The following GALNT11 variants were observed in gnomAD, a reference collection of about 807,000 sequenced individuals.
The protein encoded by GALNT11 is UDP-GalNAc:polypeptide N-acetylgalactosaminyltransferase 11.
In GALNT11, 47 loss-of-function variants were observed where a neutral mutation model predicts 72.7. The ratio of observed to expected loss-of-function variants is 0.65; its 90% confidence interval spans 0.51 to 0.82. The LOEUF (loss-of-function observed/expected upper bound fraction) is 0.82, where lower values mean the gene tolerates loss of function less well. Ranked by LOEUF, GALNT11 falls within the 40% of genes least tolerant of loss-of-function variation. The pLI, the probability that GALNT11 is intolerant of heterozygous loss-of-function variation, is 0.00. For missense variants in GALNT11, 677 were observed against 778.4 expected (o/e 0.87, Z 1.55); for synonymous variants, 270 against 286.6 (o/e 0.94, Z 0.58).
In GALNT11 at chr7:152,094,579, GATTA is replaced by G; in HGVS notation, c.295+62_295+65del. The G allele has an allele frequency of 6.7e-7, 1 of 1,496,422 alleles. No homozygotes were observed. Among genetic ancestry groups the G allele is most frequent in the Non-Finnish European group, 8.9e-7 (1 of 1,118,156 alleles). 92.7% of individuals were successfully genotyped at this position (1,496,422 alleles called of 1,614,324 possible). Reference sequence around the variant, plus strand: ...CAATGTATTTAATCACTGGAAGTTTGATTAATTAGTTAATTAGGAGATCAGAAAT... The same window carrying G: ...CAATGTATTTAATCACTGGAAGTTTGATTAGTTAATTAGGAGATCAGAAAT... On this transcript the variant is annotated intron_variant, in intron 2 of 11. Coordinates refer to ENST00000430044, the MANE Select transcript of GALNT11 (RefSeq NM_022087.4). The surrounding 1 kb of genome is among the most constrained non-coding windows in gnomAD (Gnocchi z 4.3).
In GALNT11 at chr7:152,108,129, C is replaced by A. The variant is rs200329753; in HGVS notation, c.804C>A (p.Thr268=). ...LLAAIREDRH[T]VVCPVIDIIS... is the part of the protein sequence containing the mutation. ...CCGCCATCCGTGAGGACCGGCACAC[C>A]GTGGTGTGCCCAGTGATTGACATCA... The change falls in exon 6 of 12, where the codon ACC becomes ACA. Residue 268 remains threonine, a synonymous_variant. Transcript: ENST00000430044. The A allele has an allele frequency of 6.2e-7, 1 of 1,614,128 alleles. No homozygotes were observed. The highest frequency in any genetic ancestry group is 2.2e-5 in the East Asian group (1 of 44,866).
At position 152,066,169 on chromosome 7, in the gene GALNT11, T is replaced by A. The variant is rs188133161; in HGVS notation, c.-38-28021T>A. Among the ~76,000 whole-genome samples, 832 of 152,330 alleles carry A rather than the reference T, an allele frequency of 5.5e-3. 8 individuals are homozygous for A. Among genetic ancestry groups the A allele is most frequent in the African/African-American group, 0.019 (800 of 41,574 alleles). On this transcript the variant is annotated intron_variant, in intron 1 of 11. Coordinates refer to ENST00000430044, the MANE Select transcript of GALNT11 (RefSeq NM_022087.4). ...CCCCTCCCCCAGCCTCGCTGCTGCCTTGCAGTTCGATCTCAGACTGCTGTG... is the reference window on the plus strand; with the variant it reads ...CCCCTCCCCCAGCCTCGCTGCTGCCATGCAGTTCGATCTCAGACTGCTGTG...
At chr7:152,107,937 CG>C (rs2087765276) in intron 5 of GALNT11, 100 bp from the exon 6 acceptor site, 1 of 1,385,616 alleles carries the variant, frequency 7.2e-7, no homozygotes, top group African/African-American at 1.4e-5. Flanking sequence ...GGGTGGCAGT[CG>C]TGTTTCATGC....
intron 1 of GALNT11, among the ~76,000 whole-genome samples, chr7:152,084,130 T>C (rs899264523): frequency 2.0e-5 from 3 of 152,136 alleles, no homozygotes; most frequent in African/African-American, 7.2e-5. Flanking sequence ...TTTGTTTTTG[T>C]TGTTGTTTTT....
chr7:152,040,377 G>A (rs1211578808), intron 1 of GALNT11, among the ~76,000 whole-genome samples: 2 of 152,190 alleles, frequency 1.3e-5, no homozygotes, highest in African/African-American at 4.8e-5. Flanking sequence ...AAAAGATGAG[G>A]AACGCACCAC....
intron 1 of GALNT11, among the ~76,000 whole-genome samples, chr7:152,026,494 C>T (rs1449359765): frequency 1.3e-5 from 2 of 152,234 alleles, no homozygotes; most frequent in East Asian, 1.9e-4. Flanking sequence ...GAATTGCACC[C>T]TGGCAGTGTA....
chr7:152,099,222 A>G (rs1402288352), intron 2 of GALNT11, among the ~76,000 whole-genome samples: 1 of 151,916 alleles, frequency 6.6e-6, no homozygotes, highest in Non-Finnish European at 1.5e-5. Context: ...GATTACAGGC[A>G]TGAGCCACCA....
chr7:152,040,159 C>G (rs2082785325), intron 1 of GALNT11, among the ~76,000 whole-genome samples: 1 of 151,586 alleles, frequency 6.6e-6, no homozygotes, highest in African/African-American at 2.4e-5. Context: ...TCAATAGAAG[C>G]TGGAATGCCC....
At chr7:152,050,552 G>T (rs1277459482) in intron 1 of GALNT11, among the ~76,000 whole-genome samples, 1 of 152,190 alleles carries the variant, frequency 6.6e-6, no homozygotes, top group Admixed American at 6.5e-5. Flanking sequence ...GAAGGAAAGA[G>T]TCTCCCCTGG....
intron 1 of GALNT11, among the ~76,000 whole-genome samples, chr7:152,072,335 AAAAAG>A (rs2084703882): frequency 6.6e-6 from 1 of 152,012 alleles, no homozygotes; most frequent in Admixed American, 6.6e-5. Flanking sequence ...AAAAAAAAGA[AAAAAG>A]AAATTCTAAT....
In GALNT11 at chr7:152,094,043, T is replaced by C; in HGVS notation, c.-38-147T>C. 1 of 668,182 alleles carries C rather than the reference T, an allele frequency of 1.5e-6. No individual in the cohort carries two copies. The highest frequency in any genetic ancestry group is 2.4e-6 in the Non-Finnish European group (1 of 412,282). The allele number at this position is 668,182 out of a possible 1,614,324, so 41.4% of individuals were successfully genotyped here. A position where few individuals can be genotyped will look rare whatever the true frequency, so the allele number is the denominator to read the frequency against. On this transcript the variant is annotated intron_variant, in intron 1 of 11. Transcript: ENST00000430044. This position sits in a 1 kb window ranked among gnomAD's most constrained non-coding sequence, Gnocchi z 4.3. ...TGTTGAACCCTTTTTAAAAACTCAG[T>C]ACTATCCATACATCTTCTTGTATTT...
rs774394881 is a variant in GALNT11, at chr7:152,120,911, C to T, written c.1638C>T (p.Asp546=). 1.1e-4 allele frequency: 173 copies of T among 1,613,886 alleles called. 1 individual carries two copies. The South Asian group carries it at 1.3e-3, about 12-fold the overall frequency. The change falls in exon 11 of 12, where the codon GAC becomes GAT. Residue 546 remains aspartate (D), a synonymous_variant. Transcript: ENST00000430044. The part of the protein sequence containing the change: ...CLDMSETRSS[D]PPRLMKCHGS... ...ATATGTCAGAGACTCGCTCATCAGA[C>T]CCGCCACGGCTCATGAAATGCCACG...
At chr7:152,093,253 T>G (rs1366640917) in intron 1 of GALNT11, among the ~76,000 whole-genome samples, 1 of 150,798 alleles carries the variant, frequency 6.6e-6, no homozygotes, top group Non-Finnish European at 1.5e-5. Flanking sequence ...AAAAAAAAGC[T>G]TAGGAAAAAT....
At chr7:152,034,114 G>C (rs1176309855) in intron 1 of GALNT11, among the ~76,000 whole-genome samples, 9 of 152,158 alleles carry the variant, frequency 5.9e-5, no homozygotes, top group Admixed American at 6.5e-5. Flanking sequence ...ACTTGAAGGG[G>C]ACATAACCGA....
chr7:152,105,663 A>AT (rs2087461816), intron 5 of GALNT11, among the ~76,000 whole-genome samples: 1 of 152,246 alleles, frequency 6.6e-6, no homozygotes, highest in Non-Finnish European at 1.5e-5. Context: ...ATTCACTTAT[A>AT]TAAGCAGAAA....
At chr7:152,052,122 G>A (rs1346708340) in intron 1 of GALNT11, among the ~76,000 whole-genome samples, 1 of 152,064 alleles carries the variant, frequency 6.6e-6, no homozygotes, top group African/African-American at 2.4e-5. Context: ...TATTTATCCT[G>A]TTGTGTCTGA....
At chr7:152,112,575 G>T (rs936420243) in intron 7 of GALNT11, among the ~76,000 whole-genome samples, 5 of 151,448 alleles carry the variant, frequency 3.3e-5, no homozygotes, top group Non-Finnish European at 7.4e-5. Flanking sequence ...TTTTCATTCT[G>T]TAAGTTTTAG....
At chr7:152,027,025 G>A (rs1480274716) in intron 1 of GALNT11, among the ~76,000 whole-genome samples, 2 of 152,176 alleles carry the variant, frequency 1.3e-5, no homozygotes, top group South Asian at 2.1e-4. Flanking sequence ...CAAGGCGAGC[G>A]GATCACGAGG....
chr7:152,043,234 G>A (rs192821074), intron 1 of GALNT11, among the ~76,000 whole-genome samples: 10 of 152,284 alleles, frequency 6.6e-5, no homozygotes, highest in South Asian at 2.1e-4. Context: ...TACTTGTACC[G>A]CTTTTATATT....
Sources: allele counts gnomAD v4.1 joint callset (sites outside exome capture counted in the v4.1 genomes callset), GRCh38; gene constraint gnomAD v4.1.1; non-coding constraint Gnocchi (gnomAD v3.1); transcripts MANE v1.5; gene names NCBI Gene and HGNC (gene_info 2026-07-23, HGNC 2026-07-21).